Variants in UVSSA observed in about 807,000 individuals in gnomAD.
The protein encoded by UVSSA is UV stimulated scaffold protein A.
A neutral mutation model predicts 73.9 loss-of-function variants in UVSSA; 72 were observed. That is an observed-to-expected ratio of 0.97 (90% confidence interval 0.81 to 1.19). The LOEUF is 1.19. Among genes scored for constraint, UVSSA ranks in the 50% most tolerant of loss-of-function variants. The probability of loss-of-function intolerance (pLI) is 0.00; values close to 1 mark genes in which losing one functional copy is unlikely to be tolerated. For missense variants in UVSSA, 1,150 were observed against 965.0 expected, an observed-to-expected ratio of 1.19 and a Z score of -2.54; for synonymous variants, 454 against 391.3, an observed-to-expected ratio of 1.16 and a Z score of -1.89.
chr4:1,385,295 C>A (rs1046504250), intron 13 of UVSSA: 1 of 155,812 alleles, frequency 6.4e-6, no homozygotes, highest in Admixed American at 6.2e-5. Context: ...GCGGCAGCTT[C>A]ACCACATTGT....
At chr4:1,354,569 A>G (rs1030643332) in intron 5 of UVSSA, 166 bp from the exon 6 acceptor site, 1 of 616,862 alleles carries the variant, frequency 1.6e-6, no homozygotes, top group Non-Finnish European at 2.9e-6. Flanking sequence ...AGATAATAAA[A>G]CACTTCCTTC....
chr4:1,361,290 C>T (rs969654151), intron 7 of UVSSA, among the ~76,000 whole-genome samples: 2 of 152,236 alleles, frequency 1.3e-5, no homozygotes, highest in African/African-American at 4.8e-5. Context: ...GCTGGCAGCT[C>T]CCAAGGGCAG....
upstream of UVSSA, among the ~76,000 whole-genome samples, chr4:1,344,143 C>T (rs1186392688): frequency 6.6e-6 from 1 of 151,948 alleles, no homozygotes; most frequent in East Asian, 1.9e-4. Context: ...TAAGATTTGT[C>T]ACTAGTTTTC....
chr4:1,350,844 GGCCTACTTGA>G (rs1241428640), intron 3 of UVSSA, among the ~76,000 whole-genome samples: 6 of 151,850 alleles, frequency 4.0e-5, no homozygotes, highest in African/African-American at 1.5e-4. Context: ...TCTTTTGTTA[GGCCTACTTGA>G]GCTTTATCTT....
Position 1,386,339 on chromosome 4 carries a change from T to C in UVSSA, c.*378T>C. The C allele has an allele frequency of 5.3e-6, 1 of 187,072 alleles. No individual in the cohort carries two copies. The allele number at this position is 187,072 out of a possible 1,614,324, so 11.6% of individuals were successfully genotyped here. ...CATTCCCCAGCCAGGAGGCGACCACTCAGAGGAACTCTGGGAAACCCACTT... is the reference window on the plus strand; with the variant it reads ...CATTCCCCAGCCAGGAGGCGACCACCCAGAGGAACTCTGGGAAACCCACTT... On this transcript the variant is annotated 3_prime_UTR_variant, in exon 14 of 14. Coordinates refer to ENST00000389851, the MANE Select transcript of UVSSA (RefSeq NM_020894.4).
At position 1,380,783 on chromosome 4, in the gene UVSSA, C is replaced by T. The variant is rs1472314171; in HGVS notation, c.1753-97C>T. On this transcript the variant is annotated intron_variant, in intron 11 of 13. Coordinates refer to ENST00000389851, the MANE Select transcript of UVSSA (RefSeq NM_020894.4). ...CTTTGGCTCTGTGATACCACCCACCCTGGTCGCTGTTTGTGCCCAAGTCGT... is the reference window on the plus strand; with the variant it reads ...CTTTGGCTCTGTGATACCACCCACCTTGGTCGCTGTTTGTGCCCAAGTCGT... 10 of 1,586,558 alleles carry T rather than the reference C, an allele frequency of 6.3e-6. No individual in the cohort carries two copies. The Admixed American group carries it at 6.9e-5, about 11-fold the overall frequency.
chr4:1,384,519 C>G (rs1222175424), intron 13 of UVSSA: 2 of 152,730 alleles, frequency 1.3e-5, no homozygotes, highest in Non-Finnish European at 2.9e-5. Context: ...CCCGGCGTCC[C>G]TGCGTGCAGT....
intron 2 of UVSSA, 36 bp from the exon 3 acceptor site, chr4:1,349,488 G>T (rs1285097207): frequency 6.3e-7 from 1 of 1,596,248 alleles, no homozygotes; most frequent in African/African-American, 1.3e-5. Flanking sequence ...TCCTCTGCGT[G>T]TGGGGCAGTT....
intron 10 of UVSSA, among the ~76,000 whole-genome samples, chr4:1,376,843 G>A (rs564964943): frequency 2.6e-5 from 4 of 152,232 alleles, no homozygotes; most frequent in East Asian, 1.9e-4. Context: ...CTCCACACCC[G>A]GGAGAGGGTG....
intron 13 of UVSSA, 60 bp downstream of exon 13, chr4:1,384,000 G>C: frequency 6.6e-7 from 1 of 1,523,704 alleles, no homozygotes; most frequent in Non-Finnish European, 8.8e-7. Context: ...GGGTGTTCGA[G>C]GGGGGCCATC....
chr4:1,347,410 C>T lies in UVSSA; in HGVS notation c.-353C>T, dbSNP rs1713860286. On this transcript the variant is annotated 5_prime_UTR_variant, in exon 1 of 14. Coordinates refer to ENST00000389851, the MANE Select transcript of UVSSA (RefSeq NM_020894.4). Reference sequence around the variant, plus strand: ...CAGGCCGCAGCCCCCCGAGCACCGTCGAAGCCGGCGCGCCCGCCCGGTGCA... The same window carrying T: ...CAGGCCGCAGCCCCCCGAGCACCGTTGAAGCCGGCGCGCCCGCCCGGTGCA... The T allele has an allele frequency of 6.6e-6, 1 of 152,214 alleles. No homozygotes were observed. Among genetic ancestry groups the T allele is most frequent in the East Asian group, 1.9e-4 (1 of 5,184 alleles). 9.4% of individuals were successfully genotyped at this position (152,214 alleles called of 1,614,324 possible).
chr4:1,394,906 A>G lies in UVSSA; in HGVS notation c.*8945A>G, dbSNP rs139211253. 2.0e-5 allele frequency: 31 copies of G among 1,544,146 alleles called. No homozygotes were observed. The African/African-American group carries it at 5.3e-4, about 26-fold the overall frequency. ...AGTGCCCGCCTGCTCACACGTGCCC[A>G]TGCGGAGTGCCCGCCTGCTCACACG... On this transcript the variant is annotated 3_prime_UTR_variant, in exon 14 of 14. Transcript: ENST00000511216.
chr4:1,346,176 T>G (rs576098206), upstream of UVSSA, among the ~76,000 whole-genome samples: 1 of 152,276 alleles, frequency 6.6e-6, no homozygotes, highest in South Asian at 2.1e-4. Context: ...TACTGAGATA[T>G]AACTCACACA....
chr4:1,358,604 C>T (rs1160187878), intron 7 of UVSSA: 1 of 152,286 alleles, frequency 6.6e-6, no homozygotes, highest in Non-Finnish European at 1.5e-5. Flanking sequence ...GGCACCACTG[C>T]AGTATCTGCC....
intron 8 of UVSSA, 48 bp from the exon 9 acceptor site, chr4:1,375,316 G>C (rs537057812): frequency 1.9e-6 from 3 of 1,606,454 alleles, no homozygotes; most frequent in African/African-American, 2.7e-5. Context: ...TGATGTGCCT[G>C]GCGGGTTGTG....
chr4:1,360,826 C>T (rs1378779131), intron 7 of UVSSA, among the ~76,000 whole-genome samples: 2 of 152,210 alleles, frequency 1.3e-5, no homozygotes, highest in African/African-American at 4.8e-5. Context: ...GAAGTCATTC[C>T]GCTCTCCACT....
rs1715137629 is a variant in UVSSA, at chr4:1,353,503, G to A, written c.934+90G>A. ...CACTGGCACCCGGCCCAGGAGCCTG[G>A]GGATGCAGGGGCCTCCCCTGGGGAG... On this transcript the variant is annotated intron_variant, in intron 5 of 13. Transcript: ENST00000389851. 5 of 1,418,878 alleles carry A rather than the reference G, an allele frequency of 3.5e-6. No individual in the cohort carries two copies. The Admixed American group carries it at 1.5e-4, about 41-fold the overall frequency. The allele number at this position is 1,418,878 out of a possible 1,614,324, so 87.9% of individuals were successfully genotyped here.
intron 8 of UVSSA, 72 bp downstream of exon 8, chr4:1,366,503 C>A: frequency 8.4e-7 from 1 of 1,189,070 alleles, no homozygotes; most frequent in South Asian, 1.5e-5. Flanking sequence ...CCCTTGGGGT[C>A]ATGACCTCAG....
At position 1,355,217 on chromosome 4, in the gene UVSSA, T is replaced by C. The variant is rs761024880; in HGVS notation, c.1148T>C (p.Ile383Thr). 8 of 1,612,054 alleles carry C rather than the reference T, an allele frequency of 5.0e-6. No homozygotes were observed. In the Admixed American group the frequency reaches 1.0e-4, roughly 20 times the overall value. Residue 383 changes from isoleucine to threonine, a missense_variant, in exon 7 of 14, where the codon ATC becomes ACC. Coordinates refer to ENST00000389851, the MANE Select transcript of UVSSA (RefSeq NM_020894.4). Reference protein sequence around the residue: ...LVLRKYKELDIEPEGGERRRT... With the variant: ...LVLRKYKELDTEPEGGERRRT... ...CTGAGAAAATACAAGGAGCTGGACA[T>C]CGAGCCTGAGGGAGGGGAAAGGCGC...
Sources: allele counts gnomAD v4.1 joint callset (sites outside exome capture counted in the v4.1 genomes callset), GRCh38; gene constraint gnomAD v4.1.1; transcripts MANE v1.5; gene names NCBI Gene and HGNC (gene_info 2026-07-23, HGNC 2026-07-21).